DNM3: variants seen among roughly 807,000 people sequenced by gnomAD.
DNM3 encodes the protein dynamin 3.
In DNM3, 47 loss-of-function variants were observed where a neutral mutation model predicts 101.6. That is an observed-to-expected ratio of 0.46 (90% CI 0.37 to 0.59). The LOEUF (loss-of-function observed/expected upper bound fraction) is 0.59. DNM3 is among the 20% of genes least tolerant of loss of function. DNM3 has a pLI of 0.00. For missense variants in DNM3, 849 were observed against 1,085.7 expected, an observed-to-expected ratio of 0.78 and a Z score of 3.06; for synonymous variants, 385 against 387.9, an observed-to-expected ratio of 0.99 and a Z score of 0.09.
intron 2 of DNM3, among the ~76,000 whole-genome samples, chr1:171,954,131 G>T (rs1040972602): frequency 2.0e-5 from 3 of 152,050 alleles, no homozygotes; most frequent in African/African-American, 7.3e-5. Context: ...CTTTATTACT[G>T]GTTCATAGTG....
intron 15 of DNM3, among the ~76,000 whole-genome samples, chr1:172,294,371 A>T (rs1025642335): frequency 2.2e-4 from 33 of 152,156 alleles, no homozygotes; most frequent in Non-Finnish European, 7.3e-5. Flanking sequence ...AGCACTGTCC[A>T]AGTTTATTCC....
intron 15 of DNM3, among the ~76,000 whole-genome samples, chr1:172,285,601 A>G (rs969854691): frequency 3.3e-5 from 5 of 152,328 alleles, no homozygotes; most frequent in Middle Eastern, 6.8e-3. Flanking sequence ...CTATTTTTCC[A>G]TGTAATAAAG....
chr1:172,318,674 T>C (rs2148901067), intron 16 of DNM3, among the ~76,000 whole-genome samples: 1 of 152,228 alleles, frequency 6.6e-6, no homozygotes, highest in South Asian at 2.1e-4. Flanking sequence ...GGAATCCAGC[T>C]TACAAGGGAC....
chr1:172,335,360 T>C (rs1047104491), intron 17 of DNM3, among the ~76,000 whole-genome samples: 9 of 152,192 alleles, frequency 5.9e-5, no homozygotes, highest in African/African-American at 1.9e-4. Flanking sequence ...CCAAGTCTTA[T>C]GAAAGCTATT....
rs189806771 is a variant in DNM3 at position 172,229,749 on chromosome 1, G to A, written c.1660-23824G>A. ...ATTATACTACAAAACATACACGCACGCCACACACACACACACATACATACA... is the reference window on the plus strand; with the variant it reads ...ATTATACTACAAAACATACACGCACACCACACACACACACACATACATACA... On this transcript the variant is annotated intron_variant, in intron 14 of 20. Coordinates refer to ENST00000627582, the MANE Select transcript of DNM3 (RefSeq NM_015569.5). Among the ~76,000 whole-genome samples the A allele has an allele frequency of 1.5e-3, 228 of 151,008 alleles. 1 individual carries two copies. The highest frequency in any genetic ancestry group is 3.4e-3 in the Middle Eastern group (1 of 292).
At chr1:171,925,590 T>C (rs191481903) in intron 2 of DNM3, among the ~76,000 whole-genome samples, 2 of 152,324 alleles carry the variant, frequency 1.3e-5, no homozygotes, top group Middle Eastern at 3.4e-3. Flanking sequence ...AAAGTTCTTA[T>C]AGATTCTGGA....
chr1:172,339,077 A>T (rs781422915), intron 17 of DNM3: 1 of 491,308 alleles, frequency 2.0e-6, no homozygotes, highest in Non-Finnish European at 4.1e-6. Flanking sequence ...CTATTGAAGA[A>T]AAGTTGGGGG....
intron 10 of DNM3, among the ~76,000 whole-genome samples, chr1:172,064,250 A>G (rs1438658147): frequency 1.3e-5 from 2 of 152,224 alleles, no homozygotes; most frequent in African/African-American, 4.8e-5. Context: ...ATTTAGGCAT[A>G]CATACTTAAT....
intron 1 of DNM3, among the ~76,000 whole-genome samples, chr1:171,892,981 G>T (rs2037431968): frequency 6.6e-6 from 1 of 151,688 alleles, no homozygotes; most frequent in African/African-American, 2.4e-5. Context: ...ACAGGCCATG[G>T]ATAGGTGTTG....
intron 4 of DNM3, among the ~76,000 whole-genome samples, chr1:171,994,140 G>T (rs2045834711): frequency 6.6e-6 from 1 of 151,668 alleles, no homozygotes; most frequent in African/African-American, 2.4e-5. Context: ...ATTTTCTTTT[G>T]GGTGGGCCAT....
In DNM3 at chr1:172,245,646, TG is replaced by T. The variant is rs141986357; in HGVS notation, c.1660-7926del. Among the ~76,000 whole-genome samples the T allele has an allele frequency of 1.8e-4, 27 of 152,336 alleles. No individual in the cohort carries two copies. The East Asian group carries it at 5.2e-3, about 29-fold the overall frequency. Reference sequence around the variant, plus strand: ...CACTCACATTTCTGGGAGACGTGTTTGCTCAGTTAGAAGTCACAGGGAGCTA... The same window carrying T: ...CACTCACATTTCTGGGAGACGTGTTTCTCAGTTAGAAGTCACAGGGAGCTA... On this transcript the variant is annotated intron_variant, in intron 14 of 20. Coordinates refer to ENST00000627582, the MANE Select transcript of DNM3 (RefSeq NM_015569.5).
At chr1:172,357,321 G>A (rs1290466264) in intron 17 of DNM3, among the ~76,000 whole-genome samples, 1 of 152,004 alleles carries the variant, frequency 6.6e-6, no homozygotes, top group African/African-American at 2.4e-5. Flanking sequence ...ACTTTACAGT[G>A]GAGAAACCTG....
Position 172,041,932 on chromosome 1 carries a change from T to C in DNM3, c.993-77T>C. ...GCACCTGGAAAAGGATTCTAAGGAA[T>C]AATCATAGGAAAAGAAAATGAAGAG... On this transcript the variant is annotated intron_variant, in intron 7 of 20. Coordinates refer to ENST00000627582, the MANE Select transcript of DNM3 (RefSeq NM_015569.5). The C allele has an allele frequency of 2.7e-6, 4 of 1,466,198 alleles. No individual in the cohort carries two copies. The South Asian group carries it at 6.1e-5, about 22-fold the overall frequency. The allele number at this position is 1,466,198 out of a possible 1,614,324, so 90.8% of individuals were successfully genotyped here.
intron 2 of DNM3, among the ~76,000 whole-genome samples, chr1:171,943,220 C>T (rs1161081920): frequency 6.6e-6 from 1 of 152,126 alleles, no homozygotes; most frequent in African/African-American, 2.4e-5. Context: ...ACTAGTGTGG[C>T]CTGTAGCATA....
chr1:172,054,800 A>C (rs2050462991), intron 10 of DNM3, among the ~76,000 whole-genome samples: 1 of 152,030 alleles, frequency 6.6e-6, no homozygotes, highest in South Asian at 2.1e-4. Flanking sequence ...CTCTACTAAA[A>C]ATACAAAACT....
intron 4 of DNM3, among the ~76,000 whole-genome samples, chr1:172,027,585 A>AACACAC (rs61620821): frequency 0.031 from 4,364 of 141,318 alleles, 114 homozygotes; most frequent in East Asian, 0.13. Flanking sequence ...TGTCTCAAGA[A>AACACAC]ACACACACAC....
chr1:172,360,210 A>T (rs1573599419), intron 17 of DNM3, among the ~76,000 whole-genome samples: 1 of 152,090 alleles, frequency 6.6e-6, no homozygotes, highest in East Asian at 1.9e-4. Context: ...CCACTGAGGG[A>T]TGTACAAAGG....
intron 20 of DNM3, among the ~76,000 whole-genome samples, chr1:172,398,710 TG>T (rs1487139692): frequency 2.0e-5 from 3 of 152,202 alleles, no homozygotes; most frequent in Non-Finnish European, 4.4e-5. Context: ...GCATATTTTG[TG>T]AACAATTTCT....
At chr1:172,049,659 A>G (rs1328946013) in intron 10 of DNM3, among the ~76,000 whole-genome samples, 5 of 152,178 alleles carry the variant, frequency 3.3e-5, no homozygotes, top group Non-Finnish European at 7.4e-5. Flanking sequence ...GCCCCCTGAC[A>G]GTTAACACTT....
Sources: gnomAD v4.1 joint callset for allele counts (sites outside exome capture counted in the v4.1 genomes callset) on GRCh38, gnomAD v4.1.1 for gene constraint, MANE v1.5 for transcripts, NCBI Gene and HGNC (gene_info 2026-07-23, HGNC 2026-07-21) for gene names.